Variants in PRDM1 observed in about 807,000 individuals in gnomAD.
PRDM1 encodes PR/SET domain 1.
PRDM1 carries 13 observed loss-of-function variants against 62.8 expected under a neutral mutation model. That is an observed-to-expected ratio of 0.21 (90% confidence interval 0.13 to 0.33). The LOEUF (loss-of-function observed/expected upper bound fraction) is 0.33, where lower values mean the gene tolerates loss of function less well. PRDM1 is among the 10% of genes least tolerant of loss of function. The probability of loss-of-function intolerance (pLI) is 1.00; values close to 1 mark genes in which losing one functional copy is unlikely to be tolerated. For synonymous variants in PRDM1, 396 were observed against 417.6 expected (o/e 0.95, Z 0.63); for missense variants, 895 against 1,058.8 (o/e 0.85, Z 2.15).
In PRDM1 at chr6:106,105,659, G is replaced by A. The variant is rs1774457161; in HGVS notation, c.1499G>A (p.Gly500Glu). 6.2e-7 allele frequency: 1 copy of A among 1,612,292 alleles called. No individual in the cohort carries two copies. Among genetic ancestry groups the A allele is most frequent in the Non-Finnish European group, 8.5e-7 (1 of 1,178,710 alleles). ...PAPHSAFSFTGAAASMKDKAC... is the reference protein window; with the variant it reads ...PAPHSAFSFTEAAASMKDKAC... ...CCCCACAGTGCCTTCTCCTTTACCG[G>A]GGCCGCCGCCAGCATGAAGGACAAG... The change falls in exon 5 of 7, where the codon GGG becomes GAG. Residue 500 changes from glycine (G) to glutamate (E), a missense_variant. Physicochemically the swap from Gly to Glu is moderately conservative, Grantham distance 98. Around this residue, in one of 4 missense-constraint regions of PRDM1, gnomAD observed 444 missense variants for 422.7 expected, o/e 1.05. Transcript: ENST00000369096.
At chr6:106,049,068 G>A (rs1266576643) in intron 1 of PRDM1, among the ~76,000 whole-genome samples, 3 of 151,960 alleles carry the variant, frequency 2.0e-5, no homozygotes, top group Non-Finnish European at 4.4e-5. Context: ...CATCCACCTC[G>A]GCCTCCCCAA....
Position 106,020,169 on chromosome 6 carries a change from C to T in PRDM1, c.-67+26530C>T, listed in dbSNP as rs1345063074. On this transcript the variant is annotated intron_variant, in intron 1 of 6. Coordinates refer to the PRDM1 transcript ENST00000652320. ...CTTGAACCCAGGAGGGGAAATAGAA[C>T]GAGACTCTGTCTCAAAAAAAAAAAA... 4.3e-5 allele frequency among the ~76,000 whole-genome samples: 6 copies of T among 139,540 alleles called. No homozygotes were observed. In the South Asian group the frequency reaches 8.9e-4, roughly 21 times the overall value. 91.5% of individuals were successfully genotyped at this position (139,540 alleles called of 152,430 possible).
chr6:106,007,765 G>A (rs1452536322), intron 1 of PRDM1, among the ~76,000 whole-genome samples: 1 of 152,050 alleles, frequency 6.6e-6, no homozygotes, highest in South Asian at 2.1e-4. Context: ...TATTCTTTTT[G>A]CATTGCACTG....
chr6:106,106,801 C>A lies in PRDM1; in HGVS notation c.1903-110C>A. On this transcript the variant is annotated intron_variant, in intron 6 of 6. Coordinates refer to ENST00000369096, the MANE Select transcript of PRDM1 (RefSeq NM_001198.4). The surrounding 1 kb of genome is among the most constrained non-coding windows in gnomAD (Gnocchi z 4.4). ...GAGGTGCCACAAGGAGGCTTCTCAC[C>A]TCCTAGGTTGCTGGGCGTTGGCCGG... The A allele has an allele frequency of 7.9e-7, 1 of 1,270,392 alleles. No individual in the cohort carries two copies. The highest frequency in any genetic ancestry group is 1.1e-6 in the Non-Finnish European group (1 of 916,418). The allele number at this position is 1,270,392 out of a possible 1,614,324, so 78.7% of individuals were successfully genotyped here. A position where few individuals can be genotyped will look rare whatever the true frequency, so the allele number is the denominator to read the frequency against.
At chr6:106,089,171 A>C (rs1350209246) in intron 2 of PRDM1, among the ~76,000 whole-genome samples, 1 of 152,232 alleles carries the variant, frequency 6.6e-6, no homozygotes, top group Non-Finnish European at 1.5e-5. Context: ...TAATATAAAG[A>C]TTATAGCTAG....
At chr6:106,058,321 G>T (rs912369583) in intron 1 of PRDM1, among the ~76,000 whole-genome samples, 3 of 152,126 alleles carry the variant, frequency 2.0e-5, no homozygotes, top group African/African-American at 7.2e-5. Context: ...TCCTCATGTG[G>T]ATACAATCAG....
intron 3 of PRDM1, among the ~76,000 whole-genome samples, chr6:106,096,332 G>C (rs1362825702): frequency 1.3e-5 from 2 of 152,082 alleles, no homozygotes; most frequent in Non-Finnish European, 2.9e-5. Flanking sequence ...ATTTTTAGTA[G>C]AGACGGGGTT....
At chr6:106,054,178 A>G (rs1469135486) in intron 1 of PRDM1, among the ~76,000 whole-genome samples, 1 of 152,172 alleles carries the variant, frequency 6.6e-6, no homozygotes, top group East Asian at 1.9e-4. Flanking sequence ...AATAGAAAAC[A>G]AGATCATCTC....
chr6:106,075,697 G>A (rs549237782), intron 1 of PRDM1, among the ~76,000 whole-genome samples: 1 of 152,178 alleles, frequency 6.6e-6, no homozygotes, highest in Non-Finnish European at 1.5e-5. Context: ...TCCCTTTTCA[G>A]GTAAAGTTGC....
chr6:106,004,896 G>C (rs1229979633), intron 1 of PRDM1, among the ~76,000 whole-genome samples: 2 of 152,120 alleles, frequency 1.3e-5, no homozygotes, highest in Non-Finnish European at 2.9e-5. Context: ...TGTTAAAAAT[G>C]ATATATTTGT....
At chr6:106,073,498 A>T (rs1773554019) in intron 1 of PRDM1, among the ~76,000 whole-genome samples, 1 of 152,218 alleles carries the variant, frequency 6.6e-6, no homozygotes, top group Admixed American at 6.5e-5. Context: ...AATGTTCTGA[A>T]TAATGATTAA....
At chr6:106,062,033 G>C (rs1228562441) in intron 1 of PRDM1, among the ~76,000 whole-genome samples, 1 of 152,180 alleles carries the variant, frequency 6.6e-6, no homozygotes, top group Non-Finnish European at 1.5e-5. Flanking sequence ...GGGAAAAACA[G>C]CTGTCAGTGA....
upstream of PRDM1, among the ~76,000 whole-genome samples, chr6:106,085,694 A>C (rs1773781275): frequency 6.6e-6 from 1 of 152,152 alleles, no homozygotes; most frequent in African/African-American, 2.4e-5. Context: ...CACTCCTGGG[A>C]AGTCAGCCTG....
At chr6:106,084,821 T>A (rs1011494274), upstream of PRDM1, among the ~76,000 whole-genome samples, 1 of 152,168 alleles carries the variant, frequency 6.6e-6, no homozygotes, top group Admixed American at 6.5e-5. Context: ...CTGCTTCCTC[T>A]TGGTGCTAGC....
At chr6:106,099,575 AAAT>A in intron 4 of PRDM1, 23 bp downstream of exon 4, 1 of 1,611,006 alleles carries the variant, frequency 6.2e-7, no homozygotes, top group Admixed American at 1.7e-5. Context: ...CAGAACAAAA[AAAT>A]AAAAAATGCC....
rs1772328002 is a variant in PRDM1, at chr6:105,994,912, T to G, written c.-67+1273T>G. Reference sequence around the variant, plus strand: ...GGACGGCGCGCTTGTCGCGGGAGCCTCCCGGCTTGCGGAGGGCTTGAGTTT... The same window carrying G: ...GGACGGCGCGCTTGTCGCGGGAGCCGCCCGGCTTGCGGAGGGCTTGAGTTT... On this transcript the variant is annotated intron_variant, in intron 1 of 6. Transcript: ENST00000652320. The surrounding 1 kb of genome is among the most constrained non-coding windows in gnomAD (Gnocchi z 4.1). Among the ~76,000 whole-genome samples, 1 of 152,166 alleles carries G rather than the reference T, an allele frequency of 6.6e-6. No homozygotes were observed. Among genetic ancestry groups the G allele is most frequent in the Non-Finnish European group, 1.5e-5 (1 of 68,022 alleles).
In PRDM1 at chr6:106,109,873, A is replaced by G. The variant is rs1239822441; in HGVS notation, c.*2387A>G. 4.3e-6 allele frequency: 1 copy of G among 231,554 alleles called. No individual in the cohort carries two copies. The highest frequency in any genetic ancestry group is 8.6e-6 in the Non-Finnish European group (1 of 116,792). 14.3% of individuals were successfully genotyped at this position (231,554 alleles called of 1,614,324 possible). On this transcript the variant is annotated 3_prime_UTR_variant, in exon 7 of 7. Coordinates refer to ENST00000369096, the MANE Select transcript of PRDM1 (RefSeq NM_001198.4). ...CTATCTTATGTTTACATACTGGTTT[A>G]CAATGTTATTTATGTGCAAATTGTC...
chr6:106,099,052 A>G (rs754227111), intron 3 of PRDM1: 1 of 1,613,664 alleles, frequency 6.2e-7, no homozygotes, highest in Non-Finnish European at 8.5e-7. Context: ...TTTTTCTGTT[A>G]TTTTCCCGAA....
intron 1 of PRDM1, among the ~76,000 whole-genome samples, chr6:106,034,340 T>C (rs1772892219): frequency 6.6e-6 from 1 of 152,032 alleles, no homozygotes; most frequent in South Asian, 2.1e-4. Flanking sequence ...AGTTATATAG[T>C]TAGGTTGTTG....
Sources: gnomAD v4.1 joint callset for allele counts (sites outside exome capture counted in the v4.1 genomes callset) on GRCh38, gnomAD v4.1.1 for gene constraint, gnomAD v4.1.1 regional missense constraint, Gnocchi (gnomAD v3.1) non-coding constraint, MANE v1.5 for transcripts, NCBI Gene and HGNC (gene_info 2026-07-23, HGNC 2026-07-21) for gene names.